Variants in LPP observed in about 807,000 individuals in gnomAD.
LPP encodes LIM domain containing preferred translocation partner in lipoma, also known as lipoma-preferred partner.
In LPP, 38 loss-of-function variants were observed where a neutral mutation model predicts 60.4. That is an observed-to-expected ratio of 0.63 (90% CI 0.49 to 0.83). The LOEUF is 0.83. Ranked by LOEUF, LPP falls within the 40% of genes least tolerant of loss-of-function variation. LPP has a pLI of 0.00. For synonymous variants in LPP, 328 were observed against 290.8 expected (o/e 1.13, Z -1.30); for missense variants, 902 against 783.6 (o/e 1.15, Z -1.80).
At chr3:188,247,142 G>A (rs990091976) in intron 2 of LPP, 49 of 984,234 alleles carry the variant, frequency 5.0e-5, no homozygotes, top group African/African-American at 1.1e-4. Flanking sequence ...AGCTCTTTTC[G>A]GCATGAAGGC....
At chr3:188,546,932 A>G (rs1211223887) in intron 6 of LPP, among the ~76,000 whole-genome samples, 1 of 152,260 alleles carries the variant, frequency 6.6e-6, no homozygotes, top group Non-Finnish European at 1.5e-5. Flanking sequence ...CAAGGGGAAC[A>G]CAGTTTATAC....
Position 188,879,399 on chromosome 3 carries a change from AG to A in LPP, c.*4924del, listed in dbSNP as rs1253061591. ...TTAGGGAATTATGATTATATTCATA[AG>A]GGGAAGGCTACCAGAAAATATATGT... On this transcript the variant is annotated 3_prime_UTR_variant, in exon 12 of 12. Coordinates refer to ENST00000617246, the MANE Select transcript of LPP (RefSeq NM_001375462.1). 4.6e-6 allele frequency: 1 copy of A among 215,310 alleles called. No individual in the cohort carries two copies. Among genetic ancestry groups the A allele is most frequent in the African/African-American group, 2.3e-5 (1 of 44,442 alleles). 13.3% of individuals were successfully genotyped at this position (215,310 alleles called of 1,614,324 possible).
At chr3:188,411,572 G>A (rs1307746689) in intron 4 of LPP, among the ~76,000 whole-genome samples, 1 of 152,072 alleles carries the variant, frequency 6.6e-6, no homozygotes, top group African/African-American at 2.4e-5. Flanking sequence ...TTTCTATTCT[G>A]TGTAACTGAT....
intron 3 of LPP, among the ~76,000 whole-genome samples, chr3:188,391,626 A>G (rs1369081359): frequency 6.6e-6 from 1 of 152,158 alleles, no homozygotes; most frequent in African/African-American, 2.4e-5. Context: ...ATGAATCACA[A>G]AACTGCACAA....
At chr3:188,655,220 T>C (rs1229063766) in intron 7 of LPP, among the ~76,000 whole-genome samples, 1 of 152,148 alleles carries the variant, frequency 6.6e-6, no homozygotes, top group Non-Finnish European at 1.5e-5. Context: ...GATATGCATG[T>C]AAAATAGGCC....
intron 1 of LPP, among the ~76,000 whole-genome samples, chr3:188,197,816 A>G (rs1577234397): frequency 6.6e-6 from 1 of 152,310 alleles, no homozygotes; most frequent in South Asian, 2.1e-4. Context: ...CCCAAGGTGC[A>G]ACCCCGTTAT....
At chr3:188,532,264 A>C (rs1194469746) in intron 6 of LPP, among the ~76,000 whole-genome samples, 1 of 151,996 alleles carries the variant, frequency 6.6e-6, no homozygotes, top group Non-Finnish European at 1.5e-5. Context: ...CAAACAAACA[A>C]ACAAACAAAA....
At chr3:188,647,149 G>A (rs1249578020) in intron 7 of LPP, among the ~76,000 whole-genome samples, 3 of 152,192 alleles carry the variant, frequency 2.0e-5, no homozygotes, top group African/African-American at 7.2e-5. Context: ...CCCTGTGTAA[G>A]CTCACTTGCA....
chr3:188,238,367 T>C (rs947371178), intron 2 of LPP, among the ~76,000 whole-genome samples: 9 of 152,144 alleles, frequency 5.9e-5, no homozygotes, highest in Admixed American at 1.3e-4. Context: ...TTTAATTTCC[T>C]TTATGAACTT....
intron 4 of LPP, among the ~76,000 whole-genome samples, chr3:188,470,009 C>G (rs1801417885): frequency 6.6e-6 from 1 of 151,992 alleles, no homozygotes. Flanking sequence ...CTACACAACC[C>G]TGGGTAGTAT....
At position 188,572,497 on chromosome 3, in the gene LPP, CAGAGTG is replaced by C. The variant is rs1441974051; in HGVS notation, c.430-36663_430-36658del. Among the ~76,000 whole-genome samples the C allele has an allele frequency of 1.6e-4, 24 of 152,066 alleles. No individual in the cohort carries two copies. Among genetic ancestry groups the C allele is most frequent in the African/African-American group, 5.8e-4 (24 of 41,488 alleles). On this transcript the variant is annotated intron_variant, in intron 6 of 11. Transcript: ENST00000617246. This position sits in a 1 kb window ranked among gnomAD's most constrained non-coding sequence, Gnocchi z 4.1. ...GGGTCCTAAGGCTTTTTAATGTGAG[CAGAGTG>C]CAATGAAAGAATATTTTGGATTGAC...
At chr3:188,278,709 G>A (rs1047756690) in intron 2 of LPP, among the ~76,000 whole-genome samples, 5 of 151,984 alleles carry the variant, frequency 3.3e-5, no homozygotes, top group East Asian at 1.9e-4. Context: ...AATACAATAC[G>A]TTATAATAAG....
chr3:188,408,209 C>T (rs1357701835), intron 4 of LPP, among the ~76,000 whole-genome samples: 1 of 152,024 alleles, frequency 6.6e-6, no homozygotes, highest in Non-Finnish European at 1.5e-5. Flanking sequence ...ACAGACATGG[C>T]CAGTTATAGA....
intron 1 of LPP, among the ~76,000 whole-genome samples, chr3:188,212,095 G>T (rs969409330): frequency 6.6e-6 from 1 of 152,126 alleles, no homozygotes; most frequent in Non-Finnish European, 1.5e-5. Context: ...CTGACCTCAG[G>T]TGATCCTCCC....
intron 6 of LPP, among the ~76,000 whole-genome samples, chr3:188,543,979 G>A (rs534243408): frequency 6.6e-6 from 1 of 152,274 alleles, no homozygotes; most frequent in Non-Finnish European, 1.5e-5. Flanking sequence ...GAGGCATGTG[G>A]GGTATCATGA....
intron 7 of LPP, among the ~76,000 whole-genome samples, chr3:188,622,609 A>T (rs915398898): frequency 2.2e-4 from 34 of 152,154 alleles, no homozygotes; most frequent in African/African-American, 8.0e-4. Flanking sequence ...ATATTTTCAG[A>T]TGCCAAAGGA....
At chr3:188,854,989 G>A (rs1306808344) in intron 9 of LPP, among the ~76,000 whole-genome samples, 1 of 152,098 alleles carries the variant, frequency 6.6e-6, no homozygotes, top group Non-Finnish European at 1.5e-5. Context: ...AAATGTGCAG[G>A]CAGGCAGTCA....
chr3:188,368,498 G>A (rs953790090), intron 3 of LPP, among the ~76,000 whole-genome samples: 2 of 151,964 alleles, frequency 1.3e-5, no homozygotes, highest in African/African-American at 2.4e-5. Context: ...AGGGCCAGAA[G>A]GCTTTAGTAA....
chr3:188,371,642 T>TATATATATATATATATATATATATA (rs1553878070), intron 3 of LPP, among the ~76,000 whole-genome samples: 9 of 16,228 alleles, frequency 5.5e-4, no homozygotes, highest in African/African-American at 1.5e-3. Context: ...TATATATATA[T>TATATATATATATATATATATATATA]TTTTTTTTTT....
Sources: allele counts gnomAD v4.1 joint callset (sites outside exome capture counted in the v4.1 genomes callset), GRCh38; gene constraint gnomAD v4.1.1; non-coding constraint Gnocchi (gnomAD v3.1); transcripts MANE v1.5; gene names NCBI Gene and HGNC (gene_info 2026-07-23, HGNC 2026-07-21).